The following SCAPER variants were observed in gnomAD, a reference collection of about 807,000 sequenced individuals.
The protein encoded by SCAPER is S phase cyclin A-associated protein in the endoplasmic reticulum.
A neutral mutation model predicts 182.2 loss-of-function variants in SCAPER; 98 were observed. The observed-to-expected ratio is 0.54, with a 90% CI of 0.46 to 0.64. The LOEUF (loss-of-function observed/expected upper bound fraction) is 0.64. SCAPER is among the 30% of genes least tolerant of loss of function. The pLI is 0.00. For missense variants in SCAPER, 1,432 were observed against 1,690.0 expected, an observed-to-expected ratio of 0.85 and a Z score of 2.68; for synonymous variants, 605 against 564.6, an observed-to-expected ratio of 1.07 and a Z score of -1.01.
intron 24 of SCAPER, among the ~76,000 whole-genome samples, chr15:76,482,365 T>C (rs966454049): frequency 6.6e-6 from 1 of 152,178 alleles, no homozygotes; most frequent in Admixed American, 6.5e-5. Flanking sequence ...TTATCTTAAA[T>C]ATCACTAAAA....
chr15:76,885,886 G>C (rs777425268), intron 1 of SCAPER, among the ~76,000 whole-genome samples: 40 of 152,312 alleles, frequency 2.6e-4, no homozygotes, highest in Middle Eastern at 3.4e-3. Flanking sequence ...TGAAACAAAA[G>C]AAGACTAAAC....
At chr15:76,384,712 G>A (rs2043179970) in intron 27 of SCAPER, among the ~76,000 whole-genome samples, 1 of 152,202 alleles carries the variant, frequency 6.6e-6, no homozygotes, top group African/African-American at 2.4e-5. Flanking sequence ...CAGAATATAT[G>A]GGGGCAAGGG....
intron 5 of SCAPER, among the ~76,000 whole-genome samples, chr15:76,816,375 A>C (rs140769309): frequency 6.6e-5 from 10 of 151,848 alleles, no homozygotes; most frequent in African/African-American, 2.4e-4. Flanking sequence ...TTTCCTTTTT[A>C]ACTTTTGTTA....
chr15:76,783,939 G>A (rs888796744), intron 8 of SCAPER, among the ~76,000 whole-genome samples: 3 of 152,132 alleles, frequency 2.0e-5, no homozygotes, highest in Non-Finnish European at 2.9e-5. Context: ...CACTGAATGG[G>A]CAAAAACTGG....
At chr15:76,882,958 C>A (rs905926152) in intron 2 of SCAPER, among the ~76,000 whole-genome samples, 4 of 152,154 alleles carry the variant, frequency 2.6e-5, no homozygotes, top group African/African-American at 9.7e-5. Context: ...GCCACCGTGC[C>A]CGGCCCTCTC....
intron 1 of SCAPER, among the ~76,000 whole-genome samples, chr15:76,893,958 AAGAC>A (rs2074292302): frequency 6.6e-6 from 1 of 152,200 alleles, no homozygotes; most frequent in African/African-American, 2.4e-5. Context: ...AGCCTACATA[AAGAC>A]AGACAGGGCC....
chr15:76,773,291 G>A (rs1433863919), intron 9 of SCAPER, among the ~76,000 whole-genome samples: 1 of 151,864 alleles, frequency 6.6e-6, no homozygotes, highest in African/African-American at 2.4e-5. Context: ...CATCAGCAGT[G>A]AACTTTTATA....
intron 5 of SCAPER, among the ~76,000 whole-genome samples, chr15:76,826,638 A>C (rs1331498123): frequency 1.3e-5 from 2 of 151,812 alleles, no homozygotes; most frequent in African/African-American, 4.9e-5. Context: ...CCATAGAAGG[A>C]GGAGCATGGA....
chr15:76,646,913 A>G (rs2054595961), intron 21 of SCAPER, among the ~76,000 whole-genome samples: 1 of 152,202 alleles, frequency 6.6e-6, no homozygotes, highest in Non-Finnish European at 1.5e-5. Context: ...GTCAGGTCCT[A>G]AAAGCATTAT....
intron 24 of SCAPER, among the ~76,000 whole-genome samples, chr15:76,477,751 AT>A (rs1422117981): frequency 6.6e-6 from 1 of 151,796 alleles, no homozygotes; most frequent in Non-Finnish European, 1.5e-5. Flanking sequence ...ATGATTAGAG[AT>A]TTTTTCCCGT....
chr15:76,626,690 C>T (rs1216069405), intron 21 of SCAPER, among the ~76,000 whole-genome samples: 1 of 152,222 alleles, frequency 6.6e-6, no homozygotes, highest in Non-Finnish European at 1.5e-5. Flanking sequence ...GCACTCCAGC[C>T]TGGATGACAG....
chr15:76,648,864 TCAC>T (rs1204133474), intron 21 of SCAPER, among the ~76,000 whole-genome samples: 4 of 152,330 alleles, frequency 2.6e-5, no homozygotes, highest in African/African-American at 9.6e-5. Context: ...CTTTTCTTTG[TCAC>T]CACATGTGCA....
At chr15:76,678,672 A>G (rs74026043) in intron 20 of SCAPER, among the ~76,000 whole-genome samples, 7,681 of 151,844 alleles carry the variant, frequency 0.051, 231 homozygotes, top group South Asian at 0.12. Flanking sequence ...GAAGAGAAAG[A>G]AGAAGAAGGA....
chr15:76,476,396 T>C (rs2050631325), intron 24 of SCAPER, among the ~76,000 whole-genome samples: 1 of 151,982 alleles, frequency 6.6e-6, no homozygotes, highest in African/African-American at 2.4e-5. Flanking sequence ...ATTTTCTTTT[T>C]CCTTCCTTTC....
intron 22 of SCAPER, among the ~76,000 whole-genome samples, chr15:76,621,010 T>TA (rs1296767179): frequency 3.3e-5 from 5 of 151,798 alleles, no homozygotes; most frequent in Non-Finnish European, 7.4e-5. Flanking sequence ...AACTTAAAAT[T>TA]AAAAAAAAAT....
intron 24 of SCAPER, among the ~76,000 whole-genome samples, chr15:76,492,959 C>T (rs1374575458): frequency 4.0e-5 from 6 of 149,764 alleles, no homozygotes; most frequent in Non-Finnish European, 7.4e-5. Context: ...CTCCTACTGG[C>T]ACTGTGATGA....
Position 76,353,993 on chromosome 15 carries a change from G to C in SCAPER, c.4003C>G (p.Leu1335Val). The stretch of plus-strand genomic sequence containing the variant: ...AAAACACAGCTCATCTCTTGCTCCA[G>C]AATGATCTTGTTCTGATGGTTGTTG... ...CYNNHQNKII[L>V]EQEMSCVLLA... The change falls in exon 30 of 32, where the codon CTG becomes GTG. Residue 1335 changes from leucine to valine, a missense_variant. Leu to Val is a conservative substitution (Grantham distance 32, BLOSUM62 1). Coordinates refer to ENST00000563290, the MANE Select transcript of SCAPER (RefSeq NM_020843.4). 6.2e-7 allele frequency: 1 copy of C among 1,600,176 alleles called. No homozygotes were observed. The highest frequency in any genetic ancestry group is 8.5e-7 in the Non-Finnish European group (1 of 1,175,700).
intron 22 of SCAPER, among the ~76,000 whole-genome samples, chr15:76,578,889 A>G (rs1442783541): frequency 1.3e-5 from 2 of 152,238 alleles, no homozygotes; most frequent in Non-Finnish European, 2.9e-5. Flanking sequence ...AGAAACAGAG[A>G]TAAGTGACTC....
chr15:76,899,502 C>T (rs1206499659), intron 1 of SCAPER, among the ~76,000 whole-genome samples: 2 of 152,230 alleles, frequency 1.3e-5, no homozygotes, highest in Non-Finnish European at 2.9e-5. Flanking sequence ...GGCCTGATCT[C>T]GGCTCACTAC....
Sources: gnomAD v4.1 joint callset for allele counts (sites outside exome capture counted in the v4.1 genomes callset) on GRCh38, gnomAD v4.1.1 for gene constraint, MANE v1.5 for transcripts, NCBI Gene and HGNC (gene_info 2026-07-23, HGNC 2026-07-21) for gene names.